IQCM: variants seen among roughly 807,000 people sequenced by gnomAD.
IQCM encodes IQ motif containing M.
A neutral mutation model predicts 57.6 loss-of-function variants in IQCM; 45 were observed. That is an observed-to-expected ratio of 0.78 (90% CI 0.62 to 1.00). The LOEUF is 1.00. IQCM is among the 50% of genes least tolerant of loss of function. The pLI is 0.00. For synonymous variants in IQCM, 148 were observed against 158.9 expected, an observed-to-expected ratio of 0.93 and a Z score of 0.51; for missense variants, 468 against 511.6, an observed-to-expected ratio of 0.91 and a Z score of 0.82.
At chr4:149,746,637 A>G (rs1347384837) in intron 2 of IQCM, among the ~76,000 whole-genome samples, 1 of 152,226 alleles carries the variant, frequency 6.6e-6, no homozygotes, top group Non-Finnish European at 1.5e-5. Context: ...CCACAACTCC[A>G]CACAGAACTG....
chr4:149,506,492 A>G (rs2149800833), intron 12 of IQCM, among the ~76,000 whole-genome samples: 1 of 152,308 alleles, frequency 6.6e-6, no homozygotes, highest in African/African-American at 2.4e-5. Flanking sequence ...CTATCATTGT[A>G]AGTAAGCTAA....
intron 9 of IQCM, among the ~76,000 whole-genome samples, chr4:149,579,928 C>A (rs1321140193): frequency 5.9e-5 from 9 of 151,730 alleles, no homozygotes; most frequent in African/African-American, 2.2e-4. Context: ...GCAACTAAGT[C>A]ATCTTAGGAA....
At chr4:149,788,330 T>C (rs1772262388) in intron 2 of IQCM, among the ~76,000 whole-genome samples, 1 of 152,014 alleles carries the variant, frequency 6.6e-6, no homozygotes, top group South Asian at 2.1e-4. Flanking sequence ...CAAGACTCCA[T>C]CTCAAAAAAC....
intron 13 of IQCM, among the ~76,000 whole-genome samples, chr4:149,403,540 G>A (rs1732766612): frequency 6.6e-6 from 1 of 151,844 alleles, no homozygotes; most frequent in Non-Finnish European, 1.5e-5. Context: ...TTCAGCCTCA[G>A]CTACTCTATT....
chr4:149,637,460 A>G (rs1354133463), intron 7 of IQCM, among the ~76,000 whole-genome samples: 1 of 152,178 alleles, frequency 6.6e-6, no homozygotes, highest in Non-Finnish European at 1.5e-5. Flanking sequence ...TGTCCCTTCA[A>G]TTCATATATA....
chr4:149,387,201 T>C (rs1731488374), intron 13 of IQCM, among the ~76,000 whole-genome samples: 1 of 152,036 alleles, frequency 6.6e-6, no homozygotes, highest in Admixed American at 6.6e-5. Flanking sequence ...TGACACCTTC[T>C]AGCTGAGTCC....
At chr4:149,554,016 C>G (rs1749295303) in intron 10 of IQCM, among the ~76,000 whole-genome samples, 1 of 152,166 alleles carries the variant, frequency 6.6e-6, no homozygotes, top group Non-Finnish European at 1.5e-5. Flanking sequence ...ATTAATGTCT[C>G]TATATATCTT....
intron 13 of IQCM, among the ~76,000 whole-genome samples, chr4:149,388,190 G>T (rs539457625): frequency 2.0e-5 from 3 of 151,552 alleles, no homozygotes; most frequent in Non-Finnish European, 4.4e-5. Flanking sequence ...ATTTTTCTTG[G>T]GTAGATATCT....
chr4:149,378,937 T>C (rs1398376205), intron 13 of IQCM, among the ~76,000 whole-genome samples: 2 of 152,120 alleles, frequency 1.3e-5, no homozygotes, highest in Non-Finnish European at 2.9e-5. Flanking sequence ...CTCTGCTGTG[T>C]ACAGTCTAGG....
chr4:149,462,443 A>G (rs1738403626), intron 12 of IQCM, among the ~76,000 whole-genome samples: 5 of 152,226 alleles, frequency 3.3e-5, no homozygotes, highest in Admixed American at 1.3e-4. Context: ...ATCTAAAAAC[A>G]TAGGAGGTAG....
intron 12 of IQCM, among the ~76,000 whole-genome samples, chr4:149,541,396 T>G (rs950014344): frequency 1.3e-5 from 2 of 152,138 alleles, no homozygotes; most frequent in African/African-American, 2.4e-5. Flanking sequence ...CTTATCATCG[T>G]TGTTGAGTTT....
chr4:149,634,399 C>T (rs1757550415), intron 7 of IQCM, among the ~76,000 whole-genome samples: 1 of 152,190 alleles, frequency 6.6e-6, no homozygotes, highest in Non-Finnish European at 1.5e-5. Flanking sequence ...GAACACATCC[C>T]ATTGCCTTGT....
At chr4:149,579,323 A>AT in intron 9 of IQCM, among the ~76,000 whole-genome samples, 1 of 151,930 alleles carries the variant, frequency 6.6e-6, no homozygotes, top group South Asian at 2.1e-4. Flanking sequence ...AGATGAGGCC[A>AT]TTTCTATTCC....
intron 12 of IQCM, among the ~76,000 whole-genome samples, chr4:149,476,079 T>C (rs1038656510): frequency 6.6e-6 from 1 of 151,794 alleles, no homozygotes; most frequent in African/African-American, 2.4e-5. Flanking sequence ...AAAGAAAAAA[T>C]AATGATTTGG....
intron 9 of IQCM, among the ~76,000 whole-genome samples, chr4:149,564,359 T>C (rs745642182): frequency 8.5e-5 from 13 of 152,206 alleles, no homozygotes; most frequent in Non-Finnish European, 1.6e-4. Flanking sequence ...GGTAGGATCA[T>C]GGCCTATAGG....
At chr4:149,375,664 T>G (rs1730660676) in intron 13 of IQCM, among the ~76,000 whole-genome samples, 3 of 152,204 alleles carry the variant, frequency 2.0e-5, no homozygotes, top group Admixed American at 2.0e-4. Context: ...TGAACTACAA[T>G]TATCATTGCT....
intron 12 of IQCM, among the ~76,000 whole-genome samples, chr4:149,468,019 G>A (rs1158931091): frequency 6.6e-6 from 1 of 152,124 alleles, no homozygotes; most frequent in African/African-American, 2.4e-5. Context: ...ATTGCTAGGG[G>A]GAGGCTCCAA....
At chr4:149,798,528 C>T (rs932159302) in intron 2 of IQCM, among the ~76,000 whole-genome samples, 7 of 151,906 alleles carry the variant, frequency 4.6e-5, no homozygotes, top group Admixed American at 2.6e-4. Flanking sequence ...ATGGACTAAA[C>T]TCTCCAATCA....
intron 8 of IQCM, among the ~76,000 whole-genome samples, chr4:149,595,827 C>A (rs1378020326): frequency 1.3e-5 from 2 of 152,110 alleles, no homozygotes; most frequent in Non-Finnish European, 2.9e-5. Flanking sequence ...AAAATCTTCT[C>A]ATGGAGCCAG....
Sources: gnomAD v4.1 joint callset for allele counts (sites outside exome capture counted in the v4.1 genomes callset) on GRCh38, gnomAD v4.1.1 for gene constraint, MANE v1.5 for transcripts, NCBI Gene and HGNC (gene_info 2026-07-23, HGNC 2026-07-21) for gene names.